Variants in PPP2CA observed in about 807,000 individuals in gnomAD.
PPP2CA encodes serine/threonine-protein phosphatase 2A catalytic subunit alpha isoform.
Under a neutral mutation model 38.8 loss-of-function variants are expected in PPP2CA, and 5 were observed. That is an observed-to-expected ratio of 0.13 (90% CI 0.07 to 0.27). PPP2CA has a LOEUF of 0.27. Among genes scored for constraint, PPP2CA ranks in the 10% least tolerant of loss-of-function variants. PPP2CA has a pLI of 1.00. For missense variants in PPP2CA, 88 were observed against 389.7 expected, an observed-to-expected ratio of 0.23 and a Z score of 6.52; for synonymous variants, 152 against 134.0, an observed-to-expected ratio of 1.13 and a Z score of -0.93.
At chr5:134,221,353 T>C (rs1762437965) in intron 1 of PPP2CA, among the ~76,000 whole-genome samples, 1 of 152,188 alleles carries the variant, frequency 6.6e-6, no homozygotes, top group Admixed American at 6.5e-5. Flanking sequence ...GACCTCGTGA[T>C]CCGCCTGCCG....
chr5:134,224,253 C>T (rs1248027508), intron 1 of PPP2CA: 1 of 453,598 alleles, frequency 2.2e-6, no homozygotes, highest in Non-Finnish European at 4.4e-6. Context: ...AAATAAATAC[C>T]AACCTCATTT....
At chr5:134,218,260 G>T (rs1354308434) in intron 1 of PPP2CA, among the ~76,000 whole-genome samples, 1 of 152,102 alleles carries the variant, frequency 6.6e-6, no homozygotes, top group Non-Finnish European at 1.5e-5. Context: ...TTTCTGTTTG[G>T]CTCTAAGGCT....
At chr5:134,223,213 A>C (rs1762482652) in intron 1 of PPP2CA, among the ~76,000 whole-genome samples, 1 of 152,220 alleles carries the variant, frequency 6.6e-6, no homozygotes, top group Admixed American at 6.5e-5. Flanking sequence ...GAAAAAAATT[A>C]GCCCTCAAAT....
intron 1 of PPP2CA, 66 bp from the exon 2 acceptor site, chr5:134,206,197 TACTTAC>T (rs1762079562): frequency 5.1e-6 from 7 of 1,378,248 alleles, no homozygotes; most frequent in Non-Finnish European, 7.1e-6. Flanking sequence ...AAGATTTGTT[TACTTAC>T]ACTTAATGTA....
intron 1 of PPP2CA, among the ~76,000 whole-genome samples, chr5:134,217,110 T>C (rs2300068): frequency 0.87 from 132,770 of 152,144 alleles, 58,271 homozygotes; most frequent in Middle Eastern, 0.92. Context: ...CAGAGAAACC[T>C]CATCTCTAAT....
At chr5:134,201,755 G>A in intron 3 of PPP2CA, 93 bp downstream of exon 3, 1 of 1,321,332 alleles carries the variant, frequency 7.6e-7, no homozygotes, top group Non-Finnish European at 1.0e-6. Context: ...TATCCCCAAA[G>A]GGGTGTTAAG....
rs1561448944 is a variant in PPP2CA at position 134,225,879 on chromosome 5, C to G, written c.-18G>C. ...TCGTCCATGATGCCACCCGCCCCAG[C>G]CGGCTGCCGCTCCGCGCTGCTCCCG... On this transcript the variant is annotated 5_prime_UTR_variant, in exon 1 of 7. Coordinates refer to ENST00000481195, the MANE Select transcript of PPP2CA (RefSeq NM_002715.4). 1 of 1,601,246 alleles carries G rather than the reference C, an allele frequency of 6.2e-7. No individual in the cohort carries two copies.
intron 1 of PPP2CA, among the ~76,000 whole-genome samples, chr5:134,212,133 T>G (rs1762218265): frequency 9.4e-6 from 1 of 105,860 alleles, no homozygotes; most frequent in Admixed American, 9.2e-5. Flanking sequence ...AGTAATTTCC[T>G]TAAGAGCACA....
chr5:134,209,810 G>T (rs1347210762), intron 1 of PPP2CA, among the ~76,000 whole-genome samples: 2 of 151,744 alleles, frequency 1.3e-5, no homozygotes, highest in African/African-American at 4.8e-5. Context: ...GAGTGCAGCG[G>T]CTCATGCCTG....
intron 1 of PPP2CA, among the ~76,000 whole-genome samples, chr5:134,212,819 T>A (rs1762229311): frequency 6.6e-6 from 1 of 152,224 alleles, no homozygotes. Context: ...TTTAGTGGTC[T>A]GGATAGATCA....
At chr5:134,218,096 G>A (rs1215255505) in intron 1 of PPP2CA, among the ~76,000 whole-genome samples, 2 of 151,872 alleles carry the variant, frequency 1.3e-5, no homozygotes, top group African/African-American at 4.8e-5. Context: ...TGACCAAAAT[G>A]TCATTATGTG....
intron 3 of PPP2CA, 89 bp from the exon 4 acceptor site, chr5:134,201,163 G>T: frequency 1.0e-6 from 1 of 998,194 alleles, no homozygotes; most frequent in Non-Finnish European, 1.5e-6. Context: ...TGTAACCCCA[G>T]CACTTTGGGA....
intron 2 of PPP2CA, among the ~76,000 whole-genome samples, chr5:134,203,036 T>C (rs1057337376): frequency 1.3e-4 from 20 of 152,372 alleles, no homozygotes; most frequent in Admixed American, 4.6e-4. Flanking sequence ...GGGTAAAATA[T>C]CTATTCAAAT....
chr5:134,216,791 A>G (rs1263766124), intron 1 of PPP2CA, among the ~76,000 whole-genome samples: 1 of 152,168 alleles, frequency 6.6e-6, no homozygotes, highest in Non-Finnish European at 1.5e-5. Flanking sequence ...GGTATGAGCC[A>G]CCATGCCTAG....
At chr5:134,211,242 C>T (rs980533315) in intron 1 of PPP2CA, among the ~76,000 whole-genome samples, 12 of 152,084 alleles carry the variant, frequency 7.9e-5, no homozygotes, top group African/African-American at 2.9e-4. Context: ...AGGCATGCAC[C>T]ACTGAGGACA....
chr5:134,198,732 A>C (rs918020532), intron 6 of PPP2CA, among the ~76,000 whole-genome samples: 2 of 152,008 alleles, frequency 1.3e-5, no homozygotes, highest in African/African-American at 2.4e-5. Flanking sequence ...TGCTGGGCTA[A>C]TTTTTGTATT....
chr5:134,216,466 T>C (rs1466281539), intron 1 of PPP2CA, among the ~76,000 whole-genome samples: 2 of 139,848 alleles, frequency 1.4e-5, no homozygotes, highest in Non-Finnish European at 3.0e-5. Flanking sequence ...CTTGAACCCA[T>C]GAGGCGGAGG....
chr5:134,202,803 CTG>C (rs1761996233), intron 2 of PPP2CA, among the ~76,000 whole-genome samples: 2 of 152,192 alleles, frequency 1.3e-5, no homozygotes, highest in Admixed American at 1.3e-4. Flanking sequence ...AACAGTCAAA[CTG>C]TTTTTCAAAG....
intron 3 of PPP2CA, 147 bp downstream of exon 3, chr5:134,201,700 AT>A (rs751720693): frequency 4.3e-5 from 40 of 921,946 alleles, no homozygotes; most frequent in Middle Eastern, 4.6e-4. Flanking sequence ...GTCAAATTAA[AT>A]TTTTTTTAAG....
Sources: gnomAD v4.1 joint callset for allele counts (sites outside exome capture counted in the v4.1 genomes callset) on GRCh38, gnomAD v4.1.1 for gene constraint, MANE v1.5 for transcripts, NCBI Gene and HGNC (gene_info 2026-07-23, HGNC 2026-07-21) for gene names.